CAST: variants seen among roughly 807,000 people sequenced by gnomAD.
CAST encodes the protein MIR583 host.
CAST carries 76 observed loss-of-function variants against 119.6 expected under a neutral mutation model. That is an observed-to-expected ratio of 0.64 (90% confidence interval 0.53 to 0.77). The LOEUF (loss-of-function observed/expected upper bound fraction) is 0.77. Ranked by LOEUF, CAST falls within the 30% of genes least tolerant of loss-of-function variation. The pLI, the probability that CAST is intolerant of heterozygous loss-of-function variation, is 0.00. For missense variants in CAST, 953 were observed against 946.5 expected (o/e 1.01, Z -0.09); for synonymous variants, 319 against 331.6 (o/e 0.96, Z 0.41).
At chr5:96,497,936 C>T in the CAST span, among the ~76,000 whole-genome samples, 6 of 152,212 alleles carry the variant, frequency 3.9e-5, no homozygotes, top group Non-Finnish European at 5.9e-5. Flanking sequence ...AGTCCTTGCC[C>T]ATGCATATGT....
chr5:96,158,742 C>T, the CAST span, among the ~76,000 whole-genome samples: 5 of 152,266 alleles, frequency 3.3e-5, no homozygotes, highest in African/African-American at 4.8e-5. Context: ...GATGTGGATG[C>T]TGTGGCTAAA....
At chr5:96,096,363 AG>A in the CAST span, among the ~76,000 whole-genome samples, 1 of 152,190 alleles carries the variant, frequency 6.6e-6, no homozygotes, top group Non-Finnish European at 1.5e-5. Flanking sequence ...GCTTAGTAAA[AG>A]TTAACTGTTA....
intron 20 of CAST, among the ~76,000 whole-genome samples, chr5:96,753,494 G>A (rs746906064): frequency 7.9e-5 from 12 of 152,150 alleles, no homozygotes; most frequent in Non-Finnish European, 1.8e-4. Context: ...TTGAACAATC[G>A]GACCACAGGT....
At chr5:96,409,109 G>A in the CAST span, among the ~76,000 whole-genome samples, 1 of 152,190 alleles carries the variant, frequency 6.6e-6, no homozygotes, top group Admixed American at 6.5e-5. Context: ...GAATTACCCT[G>A]GCTAACTTTA....
the CAST span, among the ~76,000 whole-genome samples, chr5:96,273,034 G>A: frequency 6.6e-5 from 10 of 152,280 alleles, no homozygotes; most frequent in South Asian, 1.7e-3. Context: ...ATCTTTAGAC[G>A]AGATAAAATA....
the CAST span, among the ~76,000 whole-genome samples, chr5:96,101,138 T>G: frequency 2.0e-5 from 3 of 152,186 alleles, no homozygotes; most frequent in Non-Finnish European, 2.9e-5. Context: ...CTTAAACTCC[T>G]GGCCTCAAGT....
At chr5:96,407,501 T>C in the CAST span, among the ~76,000 whole-genome samples, 1 of 151,368 alleles carries the variant, frequency 6.6e-6, no homozygotes, top group Middle Eastern at 3.2e-3. Flanking sequence ...GGAGGGAATA[T>C]AAAATGGTAT....
chr5:96,594,072 A>G (rs967403657), intron 1 of CAST, among the ~76,000 whole-genome samples: 2 of 152,252 alleles, frequency 1.3e-5, no homozygotes, highest in South Asian at 2.1e-4. Flanking sequence ...CAAGGTAAGC[A>G]TGTTACATGT....
At chr5:96,177,120 G>T in the CAST span, among the ~76,000 whole-genome samples, 1 of 152,252 alleles carries the variant, frequency 6.6e-6, no homozygotes, top group South Asian at 2.1e-4. Context: ...TAATTTTAGA[G>T]ATGGTGAAAT....
At chr5:96,384,655 T>C in the CAST span, among the ~76,000 whole-genome samples, 40,290 of 152,018 alleles carry the variant, frequency 0.27, 5,428 homozygotes, top group South Asian at 0.32. Flanking sequence ...ATCAGGAGCA[T>C]GGGGATTGTT....
the CAST span, among the ~76,000 whole-genome samples, chr5:96,448,918 G>A: frequency 6.6e-6 from 1 of 152,030 alleles, no homozygotes; most frequent in Non-Finnish European, 1.5e-5. Context: ...AAAATACTTA[G>A]TGCTTTATTT....
intron 2 of CAST, chr5:96,679,277 G>A (rs1304084251): frequency 6.6e-6 from 1 of 152,172 alleles, no homozygotes; most frequent in Non-Finnish European, 1.5e-5. Context: ...ATGTTTGCTT[G>A]TTTATACCAA....
intron 25 of CAST, 103 bp from the exon 26 acceptor site, chr5:96,765,118 C>T: frequency 1.4e-6 from 1 of 713,328 alleles, no homozygotes; most frequent in Non-Finnish European, 2.5e-6. Flanking sequence ...CTTTTTCTTC[C>T]AAGGAAACAG....
At chr5:96,596,491 T>A (rs1220678275) in intron 1 of CAST, among the ~76,000 whole-genome samples, 2 of 152,196 alleles carry the variant, frequency 1.3e-5, no homozygotes, top group Non-Finnish European at 2.9e-5. Flanking sequence ...AGAGAATAAA[T>A]TTGTGTTGTT....
chr5:96,397,501 T>C, the CAST span: 1 of 1,596,154 alleles, frequency 6.3e-7, no homozygotes, highest in Non-Finnish European at 8.6e-7. Flanking sequence ...ATGAATGTCC[T>C]AATAGCTCTG....
the CAST span, among the ~76,000 whole-genome samples, chr5:96,422,441 A>T: frequency 6.6e-6 from 1 of 152,176 alleles, no homozygotes; most frequent in Non-Finnish European, 1.5e-5. Flanking sequence ...CACTAAATAA[A>T]CATGTAATTT....
the CAST span, among the ~76,000 whole-genome samples, chr5:96,451,388 G>A: frequency 1.3e-5 from 2 of 152,306 alleles, no homozygotes; most frequent in South Asian, 2.1e-4. Context: ...AACAAGCAAT[G>A]AGGAAAGGAT....
intron 1 of CAST, among the ~76,000 whole-genome samples, chr5:96,639,606 A>G (rs1300884296): frequency 6.6e-6 from 1 of 152,210 alleles, no homozygotes; most frequent in Non-Finnish European, 1.5e-5. Flanking sequence ...CTCGTAGACA[A>G]GTGGTGCCTG....
the CAST span, among the ~76,000 whole-genome samples, chr5:96,036,474 T>C: frequency 1.3e-5 from 2 of 152,144 alleles, no homozygotes; most frequent in Non-Finnish European, 2.9e-5. Flanking sequence ...TCAGTAAACA[T>C]TTACTGAGTA....
Sources: allele counts gnomAD v4.1 joint callset (sites outside exome capture counted in the v4.1 genomes callset), GRCh38; gene constraint gnomAD v4.1.1; transcripts MANE v1.5; gene names NCBI Gene and HGNC (gene_info 2026-07-23, HGNC 2026-07-21).